Variants in GRID2 observed in about 807,000 individuals in gnomAD.
GRID2 encodes the protein glutamate receptor ionotropic, delta-2.
Under a neutral mutation model 114.8 loss-of-function variants are expected in GRID2, and 33 were observed. The ratio of observed to expected loss-of-function variants is 0.29; its 90% confidence interval spans 0.22 to 0.38. The LOEUF (loss-of-function observed/expected upper bound fraction) is 0.38. Among genes scored for constraint, GRID2 ranks in the 10% least tolerant of loss-of-function variants. The pLI, the probability that GRID2 is intolerant of heterozygous loss-of-function variation, is 1.00. For missense variants in GRID2, 1,184 were observed against 1,257.7 expected, an observed-to-expected ratio of 0.94 and a Z score of 0.89; for synonymous variants, 505 against 449.9, an observed-to-expected ratio of 1.12 and a Z score of -1.55.
intron 1 of GRID2, among the ~76,000 whole-genome samples, chr4:92,496,870 TA>T (rs554646048): frequency 4.6e-4 from 69 of 151,076 alleles, no homozygotes; most frequent in African/African-American, 1.5e-3. Flanking sequence ...CCAGTGAAAT[TA>T]AAAAAAAATT....
chr4:93,040,155 T>C (rs1725365043), intron 2 of GRID2, among the ~76,000 whole-genome samples: 1 of 152,028 alleles, frequency 6.6e-6, no homozygotes, highest in African/African-American at 2.4e-5. Flanking sequence ...ATAGAGCAAA[T>C]ATATAAACAC....
chr4:93,115,490 C>G (rs1455007170), intron 4 of GRID2, among the ~76,000 whole-genome samples: 1 of 151,550 alleles, frequency 6.6e-6, no homozygotes, highest in African/African-American at 2.4e-5. Flanking sequence ...GAATTTTAAA[C>G]TTAGTAACTT....
chr4:92,908,414 A>G (rs1344461548), intron 2 of GRID2, among the ~76,000 whole-genome samples: 1 of 152,120 alleles, frequency 6.6e-6, no homozygotes, highest in Non-Finnish European at 1.5e-5. Flanking sequence ...GCACAAAGAC[A>G]CTGAAAAGCA....
At chr4:92,561,021 T>G (rs375878756) in intron 1 of GRID2, among the ~76,000 whole-genome samples, 5 of 152,192 alleles carry the variant, frequency 3.3e-5, no homozygotes, top group Admixed American at 2.6e-4. Context: ...TTCTAATTTT[T>G]TAATCTACTT....
chr4:92,340,761 C>A (rs1264652739), intron 1 of GRID2, among the ~76,000 whole-genome samples: 1 of 152,144 alleles, frequency 6.6e-6, no homozygotes, highest in African/African-American at 2.4e-5. Context: ...TTATTCACTA[C>A]CATATTTATT....
At chr4:92,615,825 A>G (rs988591804) in intron 2 of GRID2, among the ~76,000 whole-genome samples, 6 of 151,596 alleles carry the variant, frequency 4.0e-5, no homozygotes, top group Non-Finnish European at 8.9e-5. Flanking sequence ...GCCTTAATGT[A>G]TCACAGTCTA....
chr4:93,053,209 A>G (rs1726888893), intron 2 of GRID2, among the ~76,000 whole-genome samples: 1 of 151,940 alleles, frequency 6.6e-6, no homozygotes, highest in Non-Finnish European at 1.5e-5. Context: ...TGTCGAAACT[A>G]TTAATACCGG....
chr4:92,792,879 G>A (rs898842926), intron 2 of GRID2, among the ~76,000 whole-genome samples: 6 of 148,052 alleles, frequency 4.1e-5, no homozygotes, highest in African/African-American at 1.5e-4. Context: ...CAGGACCAGC[G>A]ACTCATAATA....
intron 4 of GRID2, among the ~76,000 whole-genome samples, chr4:93,146,376 CAAT>C (rs1195730307): frequency 4.6e-5 from 7 of 152,194 alleles, no homozygotes; most frequent in African/African-American, 1.4e-4. Flanking sequence ...AAAATTGAGT[CAAT>C]GATGAAAGCG....
chr4:93,671,453 G>T (rs1437525527), intron 14 of GRID2, among the ~76,000 whole-genome samples: 2 of 151,810 alleles, frequency 1.3e-5, no homozygotes, highest in Non-Finnish European at 2.9e-5. Context: ...CAATGGAAGG[G>T]ATCCCACACT....
At chr4:92,975,216 CAT>C (rs936120425) in intron 2 of GRID2, among the ~76,000 whole-genome samples, 1 of 141,068 alleles carries the variant, frequency 7.1e-6, no homozygotes, top group African/African-American at 2.7e-5. Flanking sequence ...TATATATGTG[CAT>C]ATATATAATA....
intron 8 of GRID2, among the ~76,000 whole-genome samples, chr4:93,371,336 A>G (rs1234788065): frequency 6.6e-6 from 1 of 152,078 alleles, no homozygotes; most frequent in African/African-American, 2.4e-5. Flanking sequence ...GCCCATGTTT[A>G]GCCATTACTG....
At chr4:93,721,985 C>T (rs1476139154) in intron 14 of GRID2, among the ~76,000 whole-genome samples, 1 of 144,014 alleles carries the variant, frequency 6.9e-6, no homozygotes, top group African/African-American at 2.6e-5. Flanking sequence ...ATGGCATGAT[C>T]TCAGCTCACT....
At chr4:93,198,333 G>A (rs1308301446) in intron 4 of GRID2, among the ~76,000 whole-genome samples, 1 of 152,074 alleles carries the variant, frequency 6.6e-6, no homozygotes, top group Admixed American at 6.6e-5. Flanking sequence ...GACTCATGGG[G>A]GAGCAATAAT....
At chr4:92,411,208 A>C (rs1405978993) in intron 1 of GRID2, among the ~76,000 whole-genome samples, 1 of 152,168 alleles carries the variant, frequency 6.6e-6, no homozygotes, top group Non-Finnish European at 1.5e-5. Flanking sequence ...GCAGATATTT[A>C]TGTACGTGAA....
At chr4:92,959,208 G>A (rs1051233888) in intron 2 of GRID2, among the ~76,000 whole-genome samples, 2 of 149,210 alleles carry the variant, frequency 1.3e-5, no homozygotes, top group African/African-American at 2.5e-5. Context: ...CTGGTTTTTA[G>A]TACTACTATT....
rs364142 is a variant in GRID2 at position 93,006,978 on chromosome 4, A to C, written c.245-78017A>C. 8.1e-3 allele frequency among the ~76,000 whole-genome samples: 1,227 copies of C among 152,042 alleles called. 17 individuals are homozygous for C. The highest frequency in any genetic ancestry group is 0.027 in the African/African-American group (1,136 of 41,546). ...ATATATTTTTAAAGAATTACCTGGA[A>C]ATATTAAAAAATTATATTTCTAATC... is the stretch of plus-strand genomic sequence containing the variant. On this transcript the variant is annotated intron_variant, in intron 2 of 15. Transcript: ENST00000282020.
chr4:93,648,404 G>A (rs1000000909), intron 14 of GRID2, among the ~76,000 whole-genome samples: 3 of 152,072 alleles, frequency 2.0e-5, no homozygotes, highest in African/African-American at 7.2e-5. Context: ...AAGAGGAAGA[G>A]GCTTTAGTAA....
chr4:92,924,056 A>G (rs911066813), intron 2 of GRID2, among the ~76,000 whole-genome samples: 5 of 152,212 alleles, frequency 3.3e-5, no homozygotes, highest in Non-Finnish European at 7.3e-5. Flanking sequence ...ACACCATGGA[A>G]TACTATGCAG....
Sources: allele counts gnomAD v4.1 joint callset (sites outside exome capture counted in the v4.1 genomes callset), GRCh38; gene constraint gnomAD v4.1.1; transcripts MANE v1.5; gene names NCBI Gene and HGNC (gene_info 2026-07-23, HGNC 2026-07-21).